Variants in SPAG16 observed in about 807,000 individuals in gnomAD.
SPAG16 encodes sperm-associated antigen 16 protein.
In SPAG16, 86 loss-of-function variants were observed where a neutral mutation model predicts 80.4. The observed-to-expected ratio is 1.07, with a 90% CI of 0.90 to 1.28. SPAG16 has a LOEUF of 1.28. Among genes scored for constraint, SPAG16 ranks in the 50% most tolerant of loss-of-function variants. The probability of loss-of-function intolerance (pLI) is 0.00; values close to 1 mark genes in which losing one functional copy is unlikely to be tolerated. For missense variants in SPAG16, 870 were observed against 765.3 expected (o/e 1.14, Z -1.61); for synonymous variants, 294 against 265.9 (o/e 1.11, Z -1.03).
intron 10 of SPAG16, among the ~76,000 whole-genome samples, chr2:213,855,182 G>A (rs1347112499): frequency 6.6e-6 from 1 of 152,114 alleles, no homozygotes; most frequent in African/African-American, 2.4e-5. Context: ...GTTAGAAAAT[G>A]ACAAAAAAGA....
intron 14 of SPAG16, among the ~76,000 whole-genome samples, chr2:214,134,487 T>G (rs2054944408): frequency 6.6e-6 from 1 of 152,246 alleles, no homozygotes; most frequent in African/African-American, 2.4e-5. Flanking sequence ...ATTTAATTTA[T>G]TGTATGTTTC....
chr2:213,867,431 T>C (rs1042356857), intron 11 of SPAG16, among the ~76,000 whole-genome samples: 35 of 152,318 alleles, frequency 2.3e-4, no homozygotes, highest in African/African-American at 7.7e-4. Context: ...CGTTTTAGAA[T>C]GCTAGCCTCA....
chr2:214,354,092 TA>T (rs1218121615), intron 15 of SPAG16, among the ~76,000 whole-genome samples: 1 of 146,774 alleles, frequency 6.8e-6, no homozygotes, highest in Non-Finnish European at 1.5e-5. Flanking sequence ...TAAATATATA[TA>T]TGTACCCCAT....
At chr2:213,426,859 A>ACACACG in intron 9 of SPAG16, among the ~76,000 whole-genome samples, 1 of 151,150 alleles carries the variant, frequency 6.6e-6, no homozygotes. Context: ...ACACACACAC[A>ACACACG]CACACACACA....
chr2:213,637,014 G>C (rs757764999), intron 10 of SPAG16, among the ~76,000 whole-genome samples: 8 of 152,114 alleles, frequency 5.3e-5, no homozygotes, highest in Non-Finnish European at 1.0e-4. Context: ...GTGAAAGTGG[G>C]CATCCTTGTC....
At chr2:213,634,612 T>C (rs2062286741) in intron 10 of SPAG16, among the ~76,000 whole-genome samples, 1 of 152,170 alleles carries the variant, frequency 6.6e-6, no homozygotes, top group Non-Finnish European at 1.5e-5. Flanking sequence ...TATTTGTTTA[T>C]TATTTCGATA....
chr2:214,351,837 A>AC (rs1186633324), intron 15 of SPAG16, among the ~76,000 whole-genome samples: 3 of 19,848 alleles, frequency 1.5e-4, no homozygotes, highest in African/African-American at 1.9e-4. Flanking sequence ...TTTGACACAC[A>AC]AAAAAAATAT....
chr2:214,281,160 A>G, intron 15 of SPAG16: 1 of 353,854 alleles, frequency 2.8e-6, no homozygotes, highest in South Asian at 2.7e-5. Context: ...GCAGCAGGCC[A>G]GTACAATACG....
rs757437592 is a variant in SPAG16, at chr2:213,692,679, G to A, written c.1071-169806G>A. ...CAAAAAATTAGCCCGCCATGGTGGC[G>A]GGTGCCTGTAGTCCCAGCTATTTGG... On this transcript the variant is annotated intron_variant, in intron 10 of 15. Transcript: ENST00000331683. Among the ~76,000 whole-genome samples, 19 of 152,004 alleles carry A rather than the reference G, an allele frequency of 1.2e-4. No individual in the cohort carries two copies. The East Asian group carries it at 2.3e-3, about 19-fold the overall frequency.
chr2:213,673,623 A>G (rs928704260), intron 10 of SPAG16, among the ~76,000 whole-genome samples: 6 of 152,242 alleles, frequency 3.9e-5, no homozygotes, highest in African/African-American at 1.4e-4. Context: ...ACAAATGTTC[A>G]TACAAATATG....
chr2:213,398,585 C>A (rs2068159307), intron 9 of SPAG16, among the ~76,000 whole-genome samples: 1 of 152,126 alleles, frequency 6.6e-6, no homozygotes, highest in Non-Finnish European at 1.5e-5. Flanking sequence ...ATTCAGATGG[C>A]TCATCTCTCA....
intron 10 of SPAG16, among the ~76,000 whole-genome samples, chr2:213,510,207 G>T (rs1329273837): frequency 6.6e-6 from 1 of 152,070 alleles, no homozygotes; most frequent in Non-Finnish European, 1.5e-5. Context: ...CCTTCCTGGA[G>T]ATATTGGGTC....
intron 1 of SPAG16, among the ~76,000 whole-genome samples, chr2:213,288,905 A>G (rs959908212): frequency 6.6e-6 from 1 of 152,112 alleles, no homozygotes; most frequent in Non-Finnish European, 1.5e-5. Flanking sequence ...TACCCCGTGT[A>G]TATTCAAATG....
At chr2:213,829,431 G>A (rs2073495698) in intron 10 of SPAG16, among the ~76,000 whole-genome samples, 1 of 151,966 alleles carries the variant, frequency 6.6e-6, no homozygotes, top group Non-Finnish European at 1.5e-5. Flanking sequence ...GCCCAGAAAA[G>A]CCATCTAAGA....
At chr2:213,976,296 G>A (rs1023058060) in intron 12 of SPAG16, among the ~76,000 whole-genome samples, 46 of 150,562 alleles carry the variant, frequency 3.1e-4, no homozygotes, top group African/African-American at 1.0e-3. Context: ...GTGCACATAT[G>A]CATACACATG....
chr2:214,329,355 A>ATAT (rs1696724289), intron 15 of SPAG16, among the ~76,000 whole-genome samples: 1 of 152,200 alleles, frequency 6.6e-6, no homozygotes, highest in African/African-American at 2.4e-5. Context: ...CTTCCCTTTG[A>ATAT]TATTTTTGGC....
In SPAG16 at chr2:213,967,763, G is replaced by A. The variant is rs141697771; in HGVS notation, c.1400+37618G>A. ...TTTAGGTTAAATATACAATGTAGGA[G>A]TATAGTAGTTTATGGGCTTTAATGC... On this transcript the variant is annotated intron_variant, in intron 12 of 15. Transcript: ENST00000331683. Among the ~76,000 whole-genome samples, 677 of 152,274 alleles carry A rather than the reference G, an allele frequency of 4.4e-3. 4 individuals carry two copies. The highest frequency in any genetic ancestry group is 6.2e-3 in the Non-Finnish European group (424 of 68,012).
At chr2:214,052,209 T>C (rs907529983) in intron 13 of SPAG16, among the ~76,000 whole-genome samples, 12 of 152,242 alleles carry the variant, frequency 7.9e-5, no homozygotes, top group African/African-American at 2.9e-4. Flanking sequence ...ATTGTCATTG[T>C]TCTCCACCTA....
intron 7 of SPAG16, among the ~76,000 whole-genome samples, chr2:213,353,157 T>G (rs993409254): frequency 6.6e-6 from 1 of 152,224 alleles, no homozygotes; most frequent in East Asian, 1.9e-4. Flanking sequence ...TAGTTCTGGA[T>G]AGCTCCTGGA....
Sources: allele counts gnomAD v4.1 joint callset (sites outside exome capture counted in the v4.1 genomes callset), GRCh38; gene constraint gnomAD v4.1.1; transcripts MANE v1.5; gene names NCBI Gene and HGNC (gene_info 2026-07-23, HGNC 2026-07-21).